Variants in ERP44 observed in about 807,000 individuals in gnomAD.
The protein encoded by ERP44 is endoplasmic reticulum protein 44.
A neutral mutation model predicts 53.4 loss-of-function variants in ERP44; 25 were observed. The ratio of observed to expected loss-of-function variants is 0.47; its 90% CI spans 0.34 to 0.65. The LOEUF is 0.65. Among genes scored for constraint, ERP44 ranks in the 30% least tolerant of loss-of-function variants. The probability of loss-of-function intolerance (pLI) is 0.01; values close to 1 mark genes in which losing one functional copy is unlikely to be tolerated. For missense variants in ERP44, 338 were observed against 493.2 expected (o/e 0.69, Z 2.98); for synonymous variants, 145 against 161.2 (o/e 0.90, Z 0.76).
intron 1 of ERP44, among the ~76,000 whole-genome samples, chr9:100,092,910 A>G (rs915506679): frequency 1.3e-5 from 2 of 152,220 alleles, no homozygotes; most frequent in Non-Finnish European, 2.9e-5. Context: ...ACATTGGTAC[A>G]AATTTTCAGT....
intron 1 of ERP44, among the ~76,000 whole-genome samples, chr9:100,074,777 C>G (rs1826338195): frequency 1.3e-5 from 2 of 152,112 alleles, no homozygotes; most frequent in Non-Finnish European, 2.9e-5. Flanking sequence ...CCAGGGGACC[C>G]AAAATGTCAT....
chr9:100,077,203 G>C (rs748836036), intron 1 of ERP44, among the ~76,000 whole-genome samples: 1 of 152,180 alleles, frequency 6.6e-6, no homozygotes, highest in Admixed American at 6.5e-5. Context: ...CCGTGGACTC[G>C]AGGCATGCCT....
Position 100,028,291 on chromosome 9 carries a change from A to G in ERP44, c.287-6065T>C, listed in dbSNP as rs118126733. ...CCTCTTGCTTAGTGCCATACAGCCT[A>G]AGGCCACTGGAGGTCAGCAGAGAAC... On this transcript the variant is annotated intron_variant, in intron 4 of 11. Transcript: ENST00000262455. 2.9e-4 allele frequency among the ~76,000 whole-genome samples: 44 copies of G among 152,322 alleles called. No individual in the cohort carries two copies. The East Asian group carries it at 8.3e-3, about 29-fold the overall frequency.
At chr9:100,088,000 C>T (rs1391158874) in intron 1 of ERP44, among the ~76,000 whole-genome samples, 2 of 151,718 alleles carry the variant, frequency 1.3e-5, no homozygotes, top group African/African-American at 4.9e-5. Flanking sequence ...TTTTAAGTTA[C>T]TACAACAGTA....
At chr9:100,097,036 C>A (rs922968813) in intron 1 of ERP44, among the ~76,000 whole-genome samples, 1 of 152,098 alleles carries the variant, frequency 6.6e-6, no homozygotes, top group Non-Finnish European at 1.5e-5. Flanking sequence ...TAAACCTTTT[C>A]TGGGGCTTTT....
intron 4 of ERP44, among the ~76,000 whole-genome samples, chr9:100,037,782 G>A (rs143868618): frequency 3.0e-4 from 46 of 152,152 alleles, no homozygotes; most frequent in African/African-American, 1.0e-3. Context: ...GGACCCACTC[G>A]ACAGGATTCA....
chr9:100,007,522 G>C, intron 9 of ERP44, 56 bp downstream of exon 9: 3 of 913,128 alleles, frequency 3.3e-6, no homozygotes, highest in Non-Finnish European at 5.4e-6. Flanking sequence ...ATGATGAAAG[G>C]GAAAAAAAGA....
chr9:100,040,949 A>C (rs1330200913), intron 4 of ERP44, among the ~76,000 whole-genome samples: 1 of 152,118 alleles, frequency 6.6e-6, no homozygotes, highest in Non-Finnish European at 1.5e-5. Context: ...TAACCAAAGA[A>C]ATGAAAGATC....
chr9:100,006,074 C>A (rs1190577402), intron 10 of ERP44, among the ~76,000 whole-genome samples: 1 of 152,168 alleles, frequency 6.6e-6, no homozygotes, highest in Non-Finnish European at 1.5e-5. Context: ...TTCATAAATA[C>A]TACTAATGTT....
At chr9:100,098,636 G>T (rs1371278649) in intron 1 of ERP44, 148 bp downstream of exon 1, 2 of 614,086 alleles carry the variant, frequency 3.3e-6, no homozygotes, top group Non-Finnish European at 5.7e-6. Context: ...AAGCCGACAG[G>T]CGAGAGTGAG....
intron 1 of ERP44, among the ~76,000 whole-genome samples, chr9:100,079,255 T>C (rs1051871838): frequency 6.6e-6 from 1 of 152,156 alleles, no homozygotes; most frequent in African/African-American, 2.4e-5. Flanking sequence ...CCAGCCTACA[T>C]CCTTCTCCAG....
chr9:100,016,290 T>C, intron 8 of ERP44, 32 bp downstream of exon 8: 1 of 1,571,574 alleles, frequency 6.4e-7, no homozygotes, highest in Non-Finnish European at 8.6e-7. Context: ...CATTTGAATT[T>C]AAAGTAACAA....
chr9:100,055,242 A>G (rs898078706), intron 3 of ERP44, among the ~76,000 whole-genome samples: 3 of 152,258 alleles, frequency 2.0e-5, no homozygotes. Context: ...AAGATCTAGC[A>G]GGATGACTAA....
intron 3 of ERP44, among the ~76,000 whole-genome samples, chr9:100,057,285 C>T (rs1021069368): frequency 1.3e-5 from 2 of 152,256 alleles, no homozygotes; most frequent in Non-Finnish European, 2.9e-5. Context: ...CCATGTTGTT[C>T]TAGATGCTGG....
intron 4 of ERP44, among the ~76,000 whole-genome samples, chr9:100,045,616 A>T (rs1254456473): frequency 6.6e-6 from 1 of 152,188 alleles, no homozygotes; most frequent in East Asian, 1.9e-4. Flanking sequence ...TTTTACAGGA[A>T]CTTTTCCAAG....
intron 2 of ERP44, among the ~76,000 whole-genome samples, chr9:100,059,558 C>A (rs6479000): frequency 0.68 from 102,952 of 152,030 alleles, 36,080 homozygotes; most frequent in East Asian, 0.91. Flanking sequence ...GCAGTGGAGC[C>A]CACCTGTAGT....
intron 7 of ERP44, among the ~76,000 whole-genome samples, chr9:100,017,083 C>A (rs910674871): frequency 6.6e-6 from 1 of 152,106 alleles, no homozygotes; most frequent in African/African-American, 2.4e-5. Context: ...ATGTAAGGCA[C>A]GACTATTTCT....
At chr9:100,061,928 TAGC>T (rs1288654789) in intron 1 of ERP44, among the ~76,000 whole-genome samples, 1 of 152,174 alleles carries the variant, frequency 6.6e-6, no homozygotes, top group African/African-American at 2.4e-5. Flanking sequence ...TTTGAGGAAA[TAGC>T]AGAAGCAAAA....
intron 8 of ERP44, among the ~76,000 whole-genome samples, chr9:100,010,187 C>T (rs938300749): frequency 2.0e-5 from 3 of 152,188 alleles, no homozygotes; most frequent in African/African-American, 4.8e-5. Context: ...GCTGCTTAGG[C>T]TTCCAAGTTT....
Sources: gnomAD v4.1 joint callset for allele counts (sites outside exome capture counted in the v4.1 genomes callset) on GRCh38, gnomAD v4.1.1 for gene constraint, MANE v1.5 for transcripts, NCBI Gene and HGNC (gene_info 2026-07-23, HGNC 2026-07-21) for gene names.